DYSF: variants seen among roughly 807,000 people sequenced by gnomAD.
DYSF encodes the protein dystrophy-associated fer-1-like 1.
In DYSF, 212 loss-of-function variants were observed where a neutral mutation model predicts 274.9. The observed-to-expected ratio is 0.77, with a 90% CI of 0.69 to 0.86. The LOEUF (loss-of-function observed/expected upper bound fraction) is 0.86, where lower values mean the gene tolerates loss of function less well. DYSF is among the 40% of genes least tolerant of loss of function. The pLI is 0.00. For synonymous variants in DYSF, 1,091 were observed against 1,078.7 expected, an observed-to-expected ratio of 1.01 and a Z score of -0.22; for missense variants, 2,666 against 2,783.2, an observed-to-expected ratio of 0.96 and a Z score of 0.95.
At position 71,568,329 on chromosome 2, in the gene DYSF, C is replaced by T. The variant is rs150717638; in HGVS notation, c.2855C>T (p.Pro952Leu). 2.4e-4 allele frequency: 385 copies of T among 1,613,936 alleles called. No individual in the cohort carries two copies. The highest frequency in any genetic ancestry group is 3.1e-4 in the Non-Finnish European group (360 of 1,179,966). ...TGGGCTGGAGATTGGTTCGTGTGTC[C>T]GGAGAAGACGTGAGTCGTGGGCAGG... ...WTWAGDWFVCPEKTLLHDMDA... is the reference protein window; with the variant it reads ...WTWAGDWFVCLEKTLLHDMDA... Residue 952 changes from proline to leucine, a missense_variant, in exon 26 of 56, where the codon CCG (proline) becomes CTG (leucine). Transcript: ENST00000410020.
intron 17 of DYSF, among the ~76,000 whole-genome samples, chr2:71,544,204 C>G (rs1459341671): frequency 2.0e-5 from 3 of 152,100 alleles, no homozygotes; most frequent in African/African-American, 7.2e-5. Context: ...CTGCCCTCTC[C>G]CTGCTTTATT....
rs1042032396 is a variant in DYSF, at chr2:71,513,273, T to C, written c.494T>C (p.Leu165Pro). 3 of 1,551,472 alleles carry C rather than the reference T, an allele frequency of 1.9e-6. No individual in the cohort carries two copies. The South Asian group carries it at 3.6e-5, about 18-fold the overall frequency. The stretch of plus-strand genomic sequence containing the variant: ...CAGAGCCGGGCCGAGACTTGGTCCC[T>C]GCTCAGTGACAGCACCATGGACACG... ...GGQSRAETWS[L>P]LSDSTMDTRY... The change falls in exon 6 of 56, where the codon CTG (leucine) becomes CCG (proline). Residue 165 changes from leucine (L) to proline (P), a missense_variant. Around this residue, in one of 3 missense-constraint regions of DYSF, gnomAD observed 794 missense variants for 777.1 expected, o/e 1.02. Coordinates refer to ENST00000410020, the MANE Select transcript of DYSF (RefSeq NM_001130987.2).
chr2:71,644,564 C>T (rs886719509), intron 42 of DYSF, among the ~76,000 whole-genome samples: 5 of 152,018 alleles, frequency 3.3e-5, no homozygotes, highest in African/African-American at 4.8e-5. Flanking sequence ...TACTCCTGAC[C>T]CCTAACTCCT....
chr2:71,628,527 AT>A (rs2094252147), intron 41 of DYSF, among the ~76,000 whole-genome samples: 1 of 150,960 alleles, frequency 6.6e-6, no homozygotes, highest in Admixed American at 6.6e-5. Flanking sequence ...GTTTGAAAAT[AT>A]TTTTTTCACC....
chr2:71,631,255 T>C (rs115006445), intron 41 of DYSF, among the ~76,000 whole-genome samples: 1,809 of 152,030 alleles, frequency 0.012, 29 homozygotes, highest in African/African-American at 0.041. Flanking sequence ...AGAGGGGGAG[T>C]ATTTTAACTT....
intron 32 of DYSF, among the ~76,000 whole-genome samples, chr2:71,597,665 A>G (rs1048749728): frequency 1.3e-5 from 2 of 152,116 alleles, no homozygotes; most frequent in African/African-American, 4.8e-5. Context: ...CTTTGGGACA[A>G]GGTAGAGGGA....
chr2:71,504,066 G>A (rs369341405), intron 4 of DYSF, among the ~76,000 whole-genome samples: 2 of 152,330 alleles, frequency 1.3e-5, no homozygotes, highest in East Asian at 1.9e-4. Context: ...CCCGTGGCGG[G>A]TGTGTGAGGC....
intron 14 of DYSF, among the ~76,000 whole-genome samples, chr2:71,529,172 T>C (rs1412288586): frequency 6.6e-6 from 1 of 152,216 alleles, no homozygotes; most frequent in Non-Finnish European, 1.5e-5. Context: ...GGTACAACCA[T>C]CAAAGGCAGA....
In DYSF at chr2:71,612,663, A is replaced by T. The variant is rs775254512; in HGVS notation, c.4244A>T (p.Tyr1415Phe). 3.1e-6 allele frequency: 5 copies of T among 1,613,998 alleles called. No homozygotes were observed. In the Admixed American group the frequency reaches 8.3e-5, roughly 27 times the overall value. The change falls in exon 39 of 56, where the codon TAC (tyrosine) becomes TTC (phenylalanine). Residue 1415 changes from tyrosine to phenylalanine, a missense_variant. Tyr to Phe is a conservative substitution (Grantham distance 22). Transcript: ENST00000410020. ...CAGATGCTGCCCAGGGAGGAGCTCTACTGCCCCCCCATCACCGTCAAGGTC... is the reference window on the plus strand; with the variant it reads ...CAGATGCTGCCCAGGGAGGAGCTCTTCTGCCCCCCCATCACCGTCAAGGTC... ...MEVMLPREELYCPPITVKVID... is the reference protein window; with the variant it reads ...MEVMLPREELFCPPITVKVID...
chr2:71,665,061 T>C, intron 46 of DYSF, 101 bp from the exon 47 acceptor site: 1 of 1,580,250 alleles, frequency 6.3e-7, no homozygotes. Flanking sequence ...AAGCAAGGAG[T>C]GGGCAATGCT....
chr2:71,584,334 T>A (rs1167138305), intron 30 of DYSF, among the ~76,000 whole-genome samples: 1 of 152,082 alleles, frequency 6.6e-6, no homozygotes, highest in Non-Finnish European at 1.5e-5. Flanking sequence ...TCCTCTAGGC[T>A]CCAGTGTGCT....
chr2:71,584,706 A>T (rs573877710), intron 30 of DYSF, among the ~76,000 whole-genome samples: 4 of 152,270 alleles, frequency 2.6e-5, no homozygotes, highest in African/African-American at 9.6e-5. Context: ...AGGAGTGTGT[A>T]TGTCTTGCCT....
chr2:71,655,854 T>A (rs1173688195), intron 42 of DYSF, among the ~76,000 whole-genome samples: 4 of 152,228 alleles, frequency 2.6e-5, no homozygotes, highest in African/African-American at 9.6e-5. Flanking sequence ...CCCTATTCCC[T>A]AACGGAGCTG....
Position 71,528,377 on chromosome 2 carries a change from G to A in DYSF, c.1356G>A (p.Val452=). 1.2e-6 allele frequency: 2 copies of A among 1,614,180 alleles called. No individual in the cohort carries two copies. Among genetic ancestry groups the A allele is most frequent in the East Asian group, 2.2e-5 (1 of 44,884 alleles). ...AGAAGAACTTGGTGGACCCCTTTGT[G>A]GAGGTCAGCTTTGCGGGGAAAATGG... ...SNKKNLVDPF[V]EVSFAGKMLC... Residue 452 remains valine, a synonymous_variant, in exon 14 of 56, where the codon GTG becomes GTA. Coordinates refer to ENST00000410020, the MANE Select transcript of DYSF (RefSeq NM_001130987.2).
intron 40 of DYSF, among the ~76,000 whole-genome samples, chr2:71,617,543 C>T (rs921309123): frequency 1.3e-5 from 2 of 150,994 alleles, no homozygotes; most frequent in Admixed American, 6.6e-5. Flanking sequence ...CAAAGGGGTA[C>T]GTGTGTGTAT....
chr2:71,624,591 T>C (rs1167093298), intron 41 of DYSF, among the ~76,000 whole-genome samples: 1 of 152,178 alleles, frequency 6.6e-6, no homozygotes, highest in Admixed American at 6.5e-5. Flanking sequence ...ATTTGGAAAT[T>C]ATATGATACA....
chr2:71,609,315 A>G (rs2093704823), intron 36 of DYSF, among the ~76,000 whole-genome samples: 1 of 152,182 alleles, frequency 6.6e-6, no homozygotes, highest in Non-Finnish European at 1.5e-5. Context: ...TGTCACCTGC[A>G]TTGTGGGTCT....
chr2:71,653,963 A>G (rs1449934253), intron 42 of DYSF, among the ~76,000 whole-genome samples: 7 of 152,148 alleles, frequency 4.6e-5, no homozygotes, highest in Admixed American at 4.6e-4. Context: ...TAAATATAAC[A>G]TAAACATAAC....
At chr2:71,627,777 T>C (rs2094234321) in intron 41 of DYSF, among the ~76,000 whole-genome samples, 1 of 152,154 alleles carries the variant, frequency 6.6e-6, no homozygotes, top group Non-Finnish European at 1.5e-5. Context: ...AGAATTCTTA[T>C]ATCTTCCTGG....
Sources: gnomAD v4.1 joint callset for allele counts (sites outside exome capture counted in the v4.1 genomes callset) on GRCh38, gnomAD v4.1.1 for gene constraint, gnomAD v4.1.1 regional missense constraint, MANE v1.5 for transcripts, NCBI Gene and HGNC (gene_info 2026-07-23, HGNC 2026-07-21) for gene names.